The following NBPF20 variants were observed in gnomAD, a reference collection of about 807,000 sequenced individuals.
The protein encoded by NBPF20 is NBPF member 20, also known as NBPF family member NBPF20.
NBPF20 carries 90 observed loss-of-function variants against 68.1 expected under a neutral mutation model. That is an observed-to-expected ratio of 1.32 (90% CI 1.11 to 1.58). The LOEUF is 1.58. Among genes scored for constraint, NBPF20 ranks in the 40% most tolerant of loss-of-function variants. NBPF20 has a pLI of 0.00. For missense variants in NBPF20, 816 were observed against 601.2 expected, an observed-to-expected ratio of 1.36 and a Z score of -3.74; for synonymous variants, 290 against 228.1, an observed-to-expected ratio of 1.27 and a Z score of -2.45.
chr1:145,407,470 T>G (rs1417576942), upstream of NBPF20, among the ~76,000 whole-genome samples: 1 of 147,072 alleles, frequency 6.8e-6, no homozygotes, highest in East Asian at 2.0e-4. Flanking sequence ...CACGTATATA[T>G]AATATATATA....
rs1662462842 is a variant in NBPF20 at position 145,400,370 on chromosome 1, C to A, written c.775+16G>T. 1.2e-6 allele frequency: 2 copies of A among 1,612,274 alleles called. No individual in the cohort carries two copies. Among genetic ancestry groups the A allele is most frequent in the African/African-American group, 2.7e-5 (2 of 74,868 alleles). On this transcript the variant is annotated intron_variant, in intron 6 of 137. Coordinates refer to ENST00000369373, the Ensembl canonical transcript of NBPF20. ...TCAGCCTAGAGAGAGGTATGAGACA[C>A]AAGGAAAACAGAGGCTACCTGGAAT...
In NBPF20 at chr1:145,393,265, G is replaced by A. The variant is rs1299419632; in HGVS notation, c.1044-19C>T. The A allele has an allele frequency of 6.2e-6, 4 of 648,324 alleles. No individual in the cohort carries two copies. Among genetic ancestry groups the A allele is most frequent in the Non-Finnish European group, 1.1e-5 (4 of 362,474 alleles). 40.2% of individuals were successfully genotyped at this position (648,324 alleles called of 1,614,324 possible). On this transcript the variant is annotated intron_variant, in intron 9 of 137. Coordinates refer to ENST00000369373, the Ensembl canonical transcript of NBPF20. The stretch of plus-strand genomic sequence containing the variant: ...GCTGAGCCTGGAAAAGTGGGAAAAA[G>A]TAAAGAATAAGCCAGGGGGAATCAG...
exon 116 of NBPF20, chr1:145,309,175 G>A: frequency 1.1e-5 from 1 of 87,662 alleles, no homozygotes; most frequent in South Asian, 8.6e-5. Context: ...CAACTGGAAG[G>A]AGTTGAATAA....
intron 137 of NBPF20, 148 bp downstream of exon 142, chr1:145,292,233 A>G (rs1661165261): frequency 3.0e-6 from 2 of 676,132 alleles, no homozygotes; most frequent in East Asian, 5.0e-5. Context: ...AAACCTAAAC[A>G]TCTACTGCAA....
intron 6 of NBPF20, among the ~76,000 whole-genome samples, chr1:145,399,889 G>A (rs1311868333): frequency 2.0e-5 from 3 of 150,374 alleles, no homozygotes; most frequent in Non-Finnish European, 3.0e-5. Context: ...AAATATATCA[G>A]CAAAGTAAAG....
exon 10 of NBPF20, chr1:145,393,180 A>G (rs1163375376): frequency 1.1e-5 from 7 of 609,986 alleles, no homozygotes; most frequent in African/African-American, 4.9e-5. Context: ...AAGGAGTTGA[A>G]TAACATCTAT....
chr1:145,421,325 T>C, the NBPF20 span, among the ~76,000 whole-genome samples: 2 of 152,142 alleles, frequency 1.3e-5, no homozygotes, highest in African/African-American at 4.8e-5. Context: ...GAGCTTTCGC[T>C]AGGTTATGCT....
At chr1:145,397,806 C>T (rs1448993362) in intron 7 of NBPF20, among the ~76,000 whole-genome samples, 1 of 152,150 alleles carries the variant, frequency 6.6e-6, no homozygotes, top group Non-Finnish European at 1.5e-5. Flanking sequence ...GATAAAGAGT[C>T]AAGTCCCATC....
At chr1:145,341,133 G>C (rs1396248866) in intron 75 of NBPF20, among the ~76,000 whole-genome samples, 194 bp from the exon 81 acceptor site, 8 of 80,890 alleles carry the variant, frequency 9.9e-5, no homozygotes, top group African/African-American at 2.1e-4. Context: ...GAAAGACAGA[G>C]AGAGAGAGAC....
chr1:145,421,516 C>A, the NBPF20 span, among the ~76,000 whole-genome samples: 1 of 152,120 alleles, frequency 6.6e-6, no homozygotes, highest in Non-Finnish European at 1.5e-5. Context: ...TTCATTCATT[C>A]ATTCATTTAA....
chr1:145,377,946 G>T (rs1223587219), intron 29 of NBPF20, 97 bp downstream of exon 34: 5 of 405,478 alleles, frequency 1.2e-5, no homozygotes, highest in South Asian at 2.2e-5. Flanking sequence ...TTCAACCTTC[G>T]TTGAAAACAT....
upstream of NBPF20, chr1:145,408,063 A>G (rs1397650214): frequency 1.7e-5 from 3 of 177,612 alleles, 1 homozygote; most frequent in African/African-American, 7.2e-5. Context: ...CATTGTCACC[A>G]TGACTGCCAA....
upstream of NBPF20, among the ~76,000 whole-genome samples, chr1:145,409,915 G>A (rs1235470294): frequency 6.6e-6 from 1 of 151,616 alleles, no homozygotes; most frequent in Non-Finnish European, 1.5e-5. Context: ...ACCAGTTGCA[G>A]AAGTCAAAAC....
At chr1:145,425,589 C>A in the NBPF20 span, among the ~76,000 whole-genome samples, 1 of 152,208 alleles carries the variant, frequency 6.6e-6, no homozygotes, top group Non-Finnish European at 1.5e-5. Context: ...TCCTCAGGGT[C>A]TCGCCGGGCG....
At chr1:145,291,311 C>T (rs1453199174) in exon 138 of NBPF20, 10 of 718,788 alleles carry the variant, frequency 1.4e-5, no homozygotes, top group Non-Finnish European at 2.1e-5. Flanking sequence ...GCATGTGCTG[C>T]ACAGTTATGT....
chr1:145,393,331 G>T (rs1441672638), intron 9 of NBPF20, 85 bp from the exon 15 acceptor site: 10 of 684,668 alleles, frequency 1.5e-5, no homozygotes, highest in Non-Finnish European at 2.4e-5. Context: ...CTAACGTAAG[G>T]AAGAGTTTGA....
At position 145,402,711 on chromosome 1, in the gene NBPF20, A is replaced by C. The variant is rs1174508130; in HGVS notation, c.279-330T>G. On this transcript the variant is annotated intron_variant, in intron 3 of 137. Transcript: ENST00000369373. The stretch of plus-strand genomic sequence containing the variant: ...CATGGACATTTCCATGTGAAAATAC[A>C]CATAGTGCATCTTGCGGCCACTAGA... Among the ~76,000 whole-genome samples the C allele has an allele frequency of 3.3e-5, 5 of 149,778 alleles. 1 individual carries two copies. Among genetic ancestry groups the C allele is most frequent in the African/African-American group, 1.2e-4 (5 of 40,542 alleles).
At chr1:145,419,578 T>G in the NBPF20 span, among the ~76,000 whole-genome samples, 1 of 152,066 alleles carries the variant, frequency 6.6e-6, no homozygotes, top group South Asian at 2.1e-4. Context: ...CAGCTGCAGG[T>G]GGGGGCCTCA....
At chr1:145,290,362 T>G (rs1553656994) in exon 138 of NBPF20, 1 of 149,500 alleles carries the variant, frequency 6.7e-6, no homozygotes. Context: ...ATAATGGTGA[T>G]GGACAAACTA....
Sources: allele counts gnomAD v4.1 joint callset (sites outside exome capture counted in the v4.1 genomes callset), GRCh38; gene constraint gnomAD v4.1.1; transcripts MANE v1.5; gene names NCBI Gene and HGNC (gene_info 2026-07-23, HGNC 2026-07-21).